ITGA2: variants seen among roughly 807,000 people sequenced by gnomAD.
ITGA2 encodes the protein integrin subunit alpha 2, also known as integrin alpha-2.
A neutral mutation model predicts 146.3 loss-of-function variants in ITGA2; 101 were observed. The observed-to-expected ratio is 0.69, with a 90% CI of 0.59 to 0.81. ITGA2 has a LOEUF of 0.81. Among genes scored for constraint, ITGA2 ranks in the 40% least tolerant of loss-of-function variants. The pLI is 0.00. For synonymous variants in ITGA2, 477 were observed against 487.1 expected, an observed-to-expected ratio of 0.98 and a Z score of 0.27; for missense variants, 1,281 against 1,402.7, an observed-to-expected ratio of 0.91 and a Z score of 1.39.
At chr5:53,055,859 G>A in intron 8 of ITGA2, 125 bp from the exon 9 acceptor site, 2 of 1,246,970 alleles carry the variant, frequency 1.6e-6, no homozygotes, top group Middle Eastern at 2.6e-4. Flanking sequence ...CTAAATAAAG[G>A]GTTATGGAAA....
At chr5:53,027,358 C>T (rs940331713) in intron 2 of ITGA2, among the ~76,000 whole-genome samples, 3 of 152,160 alleles carry the variant, frequency 2.0e-5, no homozygotes, top group African/African-American at 2.4e-5. Flanking sequence ...AGGGTCCTCA[C>T]AAATATCAAT....
chr5:52,999,296 T>C (rs1315695656), intron 1 of ITGA2, among the ~76,000 whole-genome samples: 1 of 152,090 alleles, frequency 6.6e-6, no homozygotes, highest in Non-Finnish European at 1.5e-5. Flanking sequence ...AGAAAAAAAA[T>C]CAAAATTCAA....
chr5:53,090,453 G>A, intron 29 of ITGA2, 66 bp from the exon 30 acceptor site: 1 of 1,384,352 alleles, frequency 7.2e-7, no homozygotes, highest in Non-Finnish European at 1.0e-6. Context: ...GGGCAGCCAA[G>A]GGGGTCAGAG....
Position 53,056,166 on chromosome 5 carries a change from C to T in ITGA2, c.1096+17C>T, listed in dbSNP as rs201058390. ...GCATTGAAGGTAAAAAAAATAACCT[C>T]CTTTCAAGAATTTTCTTCAAAATGT... On this transcript the variant is annotated intron_variant, in intron 9 of 29. Transcript: ENST00000296585. 2 of 1,606,382 alleles carry T rather than the reference C, an allele frequency of 1.2e-6. No homozygotes were observed. The highest frequency in any genetic ancestry group is 2.2e-5 in the East Asian group (1 of 44,592).
At chr5:53,032,393 T>C (rs561662033) in intron 2 of ITGA2, among the ~76,000 whole-genome samples, 1 of 152,280 alleles carries the variant, frequency 6.6e-6, no homozygotes, top group Admixed American at 6.5e-5. Context: ...TTGAGTACTC[T>C]TTCCTTGCCA....
At chr5:53,010,640 G>A (rs557240921) in intron 1 of ITGA2, among the ~76,000 whole-genome samples, 7 of 152,210 alleles carry the variant, frequency 4.6e-5, no homozygotes, top group African/African-American at 1.4e-4. Context: ...ATGAGATTTC[G>A]AGCTCAGAGT....
intron 2 of ITGA2, among the ~76,000 whole-genome samples, chr5:53,039,414 C>A (rs898604806): frequency 6.6e-6 from 1 of 152,128 alleles, no homozygotes; most frequent in Non-Finnish European, 1.5e-5. Context: ...TCCCTCTCAA[C>A]TTGGTTGATT....
chr5:53,013,150 A>G (rs1742225804), intron 1 of ITGA2, among the ~76,000 whole-genome samples: 1 of 151,962 alleles, frequency 6.6e-6, no homozygotes, highest in Non-Finnish European at 1.5e-5. Context: ...TGCTTTTGGC[A>G]TCTTTATCAT....
intron 2 of ITGA2, among the ~76,000 whole-genome samples, chr5:53,032,175 A>G (rs1201021595): frequency 3.4e-5 from 3 of 87,676 alleles, no homozygotes; most frequent in African/African-American, 8.7e-5. Context: ...AATAAAAATA[A>G]AAAAAATCCA....
At chr5:53,066,128 T>A in intron 15 of ITGA2, 151 bp downstream of exon 15, 1 of 797,570 alleles carries the variant, frequency 1.3e-6, no homozygotes, top group Non-Finnish European at 2.1e-6. Context: ...GGAATAAATG[T>A]GTTTTTCCAA....
chr5:53,086,156 C>A (rs577673342), intron 27 of ITGA2, among the ~76,000 whole-genome samples: 3 of 152,288 alleles, frequency 2.0e-5, no homozygotes, highest in African/African-American at 7.2e-5. Flanking sequence ...ATCTACCCAC[C>A]TCAGCCTCCC....
intron 9 of ITGA2, among the ~76,000 whole-genome samples, chr5:53,057,087 TACC>T (rs921290140): frequency 3.9e-5 from 6 of 151,974 alleles, no homozygotes; most frequent in African/African-American, 1.4e-4. Flanking sequence ...AAATCCAGCA[TACC>T]CTGAGATAAC....
intron 2 of ITGA2, among the ~76,000 whole-genome samples, chr5:53,039,327 G>T (rs745755268): frequency 2.6e-5 from 4 of 152,126 alleles, no homozygotes; most frequent in Non-Finnish European, 5.9e-5. Context: ...ATGCCAGTTT[G>T]GTGCGTAGTA....
Position 52,989,560 on chromosome 5 carries a change from C to T in ITGA2, c.64+28C>T, listed in dbSNP as rs758624594. Reference sequence around the variant, plus strand: ...AAGCGGGGATTTCGCTCTGCATCGGCTGCAGGAGGGACCCGCGCGGCTTCC... The same window carrying T: ...AAGCGGGGATTTCGCTCTGCATCGGTTGCAGGAGGGACCCGCGCGGCTTCC... On this transcript the variant is annotated intron_variant, in intron 1 of 29. Transcript: ENST00000296585. 7 of 1,613,240 alleles carry T rather than the reference C, an allele frequency of 4.3e-6. No individual in the cohort carries two copies. The South Asian group carries it at 4.4e-5, about 10-fold the overall frequency.
At chr5:53,056,820 T>C (rs1744662254) in intron 9 of ITGA2, among the ~76,000 whole-genome samples, 1 of 151,498 alleles carries the variant, frequency 6.6e-6, no homozygotes, top group African/African-American at 2.4e-5. Flanking sequence ...TCACAGTTGG[T>C]TAAAAGAAAA....
At chr5:53,012,800 T>TA (rs1742205406) in intron 1 of ITGA2, among the ~76,000 whole-genome samples, 1 of 152,174 alleles carries the variant, frequency 6.6e-6, no homozygotes, top group African/African-American at 2.4e-5. Flanking sequence ...TGCTGACTGG[T>TA]ATGAGATGAT....
chr5:53,071,794 A>G, intron 17 of ITGA2, 144 bp from the exon 18 acceptor site: 1 of 701,854 alleles, frequency 1.4e-6, no homozygotes, highest in Non-Finnish European at 2.6e-6. Context: ...TTGATTATTC[A>G]CAACAAAGAT....
rs555340036 is a variant in ITGA2 at position 53,065,081 on chromosome 5, G to A, written c.1772G>A (p.Gly591Asp). The change falls in exon 14 of 30, where the codon GGT becomes GAT. Residue 591 changes from glycine to aspartate, a missense_variant. Around this residue, in one of 3 missense-constraint regions of ITGA2, gnomAD observed 795 missense variants for 841.7 expected, o/e 0.94. Coordinates refer to ENST00000296585, the MANE Select transcript of ITGA2 (RefSeq NM_002203.4). The part of the protein sequence containing the change: ...QNSGAVYIYN[G>D]HQGTIRTKYS... ...TCTGGAGCTGTATACATTTACAATG[G>A]TCATCAGGGCACTATCCGCACAAAG... The A allele has an allele frequency of 1.2e-6, 2 of 1,612,586 alleles. No homozygotes were observed. Among genetic ancestry groups the A allele is most frequent in the Non-Finnish European group, 1.7e-6 (2 of 1,179,132 alleles).
chr5:53,060,961 G>A lies in ITGA2; in HGVS notation c.1373G>A (p.Arg458Gln), dbSNP rs1237664713. 1.9e-6 allele frequency: 3 copies of A among 1,612,378 alleles called. No homozygotes were observed. The highest frequency in any genetic ancestry group is 1.1e-5 in the South Asian group (1 of 91,060). Residue 458 changes from arginine to glutamine, a missense_variant, in exon 12 of 30, where the codon CGG becomes CAG. Physicochemically the swap from Arg to Gln is conservative, Grantham distance 43 (BLOSUM62 1). Around this residue, in one of 3 missense-constraint regions of ITGA2, gnomAD observed 795 missense variants for 841.7 expected, o/e 0.94. Coordinates refer to ENST00000296585, the MANE Select transcript of ITGA2 (RefSeq NM_002203.4). ...ACTCACTTTGTTGCTGGTGCTCCTC[G>A]GGCAAATTATACCGGCCAGATAGTG... is the stretch of plus-strand genomic sequence containing the variant. The part of the protein sequence containing the change: ...ESTHFVAGAP[R>Q]ANYTGQIVLY...
Sources: allele counts gnomAD v4.1 joint callset (sites outside exome capture counted in the v4.1 genomes callset), GRCh38; gene constraint gnomAD v4.1.1; regional missense constraint gnomAD v4.1.1; transcripts MANE v1.5; gene names NCBI Gene and HGNC (gene_info 2026-07-23, HGNC 2026-07-21).